Variants in BRPF1 observed in about 807,000 individuals in gnomAD.
BRPF1 encodes the protein bromodomain and PHD finger containing 1, also known as peregrin.
BRPF1 carries 15 observed loss-of-function variants against 115.0 expected under a neutral mutation model. That is an observed-to-expected ratio of 0.13 (90% CI 0.09 to 0.20). The LOEUF is 0.20. Ranked by LOEUF, BRPF1 falls within the 10% of genes least tolerant of loss-of-function variation. The pLI is 1.00. For missense variants in BRPF1, 1,118 were observed against 1,638.3 expected, an observed-to-expected ratio of 0.68 and a Z score of 5.48; for synonymous variants, 647 against 619.8, an observed-to-expected ratio of 1.04 and a Z score of -0.65.
intron 2 of BRPF1, among the ~76,000 whole-genome samples, chr3:9,735,526 G>C (rs923927766): frequency 2.6e-5 from 4 of 152,182 alleles, no homozygotes; most frequent in African/African-American, 7.2e-5. Flanking sequence ...GTATTTCTCT[G>C]TCTCCCAAAA....
rs1417835907 is a variant in BRPF1, at chr3:9,745,241, G to T, written c.3068+86G>T. ...GTGTAGGTTTCCCTGTTGGAAGTGG[G>T]GTGGCAGCCATCTCAGTCTAGATTA... On this transcript the variant is annotated intron_variant, in intron 10 of 13. Coordinates refer to ENST00000383829, the MANE Select transcript of BRPF1 (RefSeq NM_001003694.2). The surrounding 1 kb of genome is among the most constrained non-coding windows in gnomAD (Gnocchi z 5.1). 1 of 1,482,706 alleles carries T rather than the reference G, an allele frequency of 6.7e-7. No individual in the cohort carries two copies. The highest frequency in any genetic ancestry group is 1.4e-5 in the African/African-American group (1 of 70,300). 91.8% of individuals were successfully genotyped at this position (1,482,706 alleles called of 1,614,324 possible). A position where few individuals can be genotyped will look rare whatever the true frequency, so the allele number is the denominator to read the frequency against.
At chr3:9,737,015 A>G (rs2076953714) in intron 2 of BRPF1, among the ~76,000 whole-genome samples, 1 of 152,184 alleles carries the variant, frequency 6.6e-6, no homozygotes, top group Admixed American at 6.5e-5. Context: ...AAGGGTGAGA[A>G]TTGGTGCTGA....
chr3:9,736,197 G>A (rs1264104038), intron 2 of BRPF1, among the ~76,000 whole-genome samples: 2 of 151,510 alleles, frequency 1.3e-5, no homozygotes, highest in African/African-American at 4.9e-5. Flanking sequence ...TAGTAGAGAT[G>A]GGGTTTCACC....
chr3:9,742,238 T>G, intron 6 of BRPF1, 67 bp downstream of exon 6: 1 of 1,591,476 alleles, frequency 6.3e-7, no homozygotes, highest in Admixed American at 1.7e-5. Context: ...CTGCTGCAGG[T>G]CTGGGCCAGG....
In BRPF1 at chr3:9,734,073, G is replaced by A. The variant is rs1185272327; in HGVS notation, c.-10-58G>A. The stretch of plus-strand genomic sequence containing the variant: ...GAGGGCTAGAAAGACTGGGGTCTCT[G>A]GTGCAAATGGCCAGGAACTCATCCC... On this transcript the variant is annotated intron_variant, in intron 1 of 13. Transcript: ENST00000383829. This position sits in a 1 kb window ranked among gnomAD's most constrained non-coding sequence, Gnocchi z 5.7. 17 of 1,521,008 alleles carry A rather than the reference G, an allele frequency of 1.1e-5. No individual in the cohort carries two copies. The East Asian group carries it at 1.6e-4, about 14-fold the overall frequency. 94.2% of individuals were successfully genotyped at this position (1,521,008 alleles called of 1,614,324 possible). A position where few individuals can be genotyped will look rare whatever the true frequency, so the allele number is the denominator to read the frequency against.
intron 2 of BRPF1, among the ~76,000 whole-genome samples, chr3:9,735,568 G>A (rs535416485): frequency 6.6e-6 from 1 of 152,256 alleles, no homozygotes; most frequent in South Asian, 2.1e-4. Flanking sequence ...ATTTCATAAG[G>A]TACTAAAAGC....
chr3:9,737,181 C>T (rs1262009695), intron 2 of BRPF1, among the ~76,000 whole-genome samples: 1 of 152,148 alleles, frequency 6.6e-6, no homozygotes, highest in Non-Finnish European at 1.5e-5. Flanking sequence ...AGTCTCTCTC[C>T]TCCCTTCCAC....
chr3:9,743,195 G>C lies in BRPF1; in HGVS notation c.2253G>C (p.Thr751=). Residue 751 remains threonine, a synonymous_variant, in exon 7 of 14, where the codon ACG becomes ACC. Transcript: ENST00000383829. The surrounding 1 kb of genome is among the most constrained non-coding windows in gnomAD (Gnocchi z 6.1). ...AAAAAATGGGCATTGACTTTGAGACGGGCATGCATATCCCCCACAGCCTGG... is the reference window on the plus strand; with the variant it reads ...AAAAAATGGGCATTGACTTTGAGACCGGCATGCATATCCCCCACAGCCTGG... ...QAEKMGIDFE[T]GMHIPHSLAG... 6.2e-7 allele frequency: 1 copy of C among 1,614,204 alleles called. No homozygotes were observed. Among genetic ancestry groups the C allele is most frequent in the Non-Finnish European group, 8.5e-7 (1 of 1,180,048 alleles).
rs771971033 is a variant in BRPF1, at chr3:9,747,552, C to T, written c.*203C>T. ...ACTCCAAGGGCCAATGGCAGTTCAG[C>T]GCAAGGAGAGGGAGGGCCCACAGGT... On this transcript the variant is annotated 3_prime_UTR_variant, in exon 14 of 14. Transcript: ENST00000383829. This position sits in a 1 kb window ranked among gnomAD's most constrained non-coding sequence, Gnocchi z 5.6. 8 of 523,152 alleles carry T rather than the reference C, an allele frequency of 1.5e-5. No homozygotes were observed. The highest frequency in any genetic ancestry group is 6.4e-5 in the Admixed American group (2 of 31,354). 32.4% of individuals were successfully genotyped at this position (523,152 alleles called of 1,614,324 possible).
At position 9,743,391 on chromosome 3, in the gene BRPF1, C is replaced by T; in HGVS notation, c.2311+138C>T. Reference sequence around the variant, plus strand: ...GTGGCAAGCTATCCCCAGGAATGCTCCCCAAGAAGCCAGACTGGGTGAATG... The same window carrying T: ...GTGGCAAGCTATCCCCAGGAATGCTTCCCAAGAAGCCAGACTGGGTGAATG... On this transcript the variant is annotated intron_variant, in intron 7 of 13. Coordinates refer to ENST00000383829, the MANE Select transcript of BRPF1 (RefSeq NM_001003694.2). The surrounding 1 kb of genome is among the most constrained non-coding windows in gnomAD (Gnocchi z 6.1). 1 of 1,279,828 alleles carries T rather than the reference C, an allele frequency of 7.8e-7. No individual in the cohort carries two copies. Among genetic ancestry groups the T allele is most frequent in the East Asian group, 2.5e-5 (1 of 39,642 alleles). The allele number at this position is 1,279,828 out of a possible 1,614,324, so 79.3% of individuals were successfully genotyped here.
Position 9,738,979 on chromosome 3 carries a change from G to C in BRPF1, c.600-20G>C. 1.3e-6 allele frequency: 2 copies of C among 1,528,220 alleles called. No homozygotes were observed. The highest frequency in any genetic ancestry group is 1.3e-5 in the South Asian group (1 of 77,408). 94.7% of individuals were successfully genotyped at this position (1,528,220 alleles called of 1,614,324 possible). ...GGAAATCTCAACCATGTGATGCTGA[G>C]TTCCCTGTTTGTACCGTAGGTACAT... On this transcript the variant is annotated intron_variant, in intron 2 of 13. Coordinates refer to ENST00000383829, the MANE Select transcript of BRPF1 (RefSeq NM_001003694.2).
intron 6 of BRPF1, 129 bp downstream of exon 6, chr3:9,742,300 C>T: frequency 2.7e-6 from 4 of 1,508,544 alleles, no homozygotes; most frequent in Non-Finnish European, 3.5e-6. Flanking sequence ...GCAGGATGAA[C>T]TGGAGCCACA....
chr3:9,742,803 C>A, intron 6 of BRPF1, 141 bp from the exon 7 acceptor site: 1 of 986,480 alleles, frequency 1.0e-6, no homozygotes, highest in Non-Finnish European at 1.5e-6. Flanking sequence ...TCCAGCTTTC[C>A]TTTCCCCTGT....
intron 4 of BRPF1, 39 bp from the exon 5 acceptor site, chr3:9,741,269 C>G (rs2125504052): frequency 3.3e-6 from 5 of 1,532,392 alleles, no homozygotes; most frequent in Non-Finnish European, 3.5e-6. Flanking sequence ...TTTCCTCTGG[C>G]TTTCTAATCA....
At chr3:9,733,933 A>G (rs531246758) in intron 1 of BRPF1, among the ~76,000 whole-genome samples, 198 bp from the exon 2 acceptor site, 10 of 152,342 alleles carry the variant, frequency 6.6e-5, no homozygotes, top group South Asian at 4.1e-4. Flanking sequence ...GACATAGGGC[A>G]GGATAACCAG....
chr3:9,741,171 C>A, intron 4 of BRPF1, 137 bp from the exon 5 acceptor site: 1 of 1,171,218 alleles, frequency 8.5e-7, no homozygotes, highest in Non-Finnish European at 1.2e-6. Flanking sequence ...GCCTTGGGGA[C>A]ACACAGATTG....
chr3:9,734,045 G>A lies in BRPF1; in HGVS notation c.-10-86G>A. On this transcript the variant is annotated intron_variant, in intron 1 of 13. Transcript: ENST00000383829. This position sits in a 1 kb window ranked among gnomAD's most constrained non-coding sequence, Gnocchi z 5.7. ...CCAGAATCTGGTGACTCCAAGTGAG[G>A]GGGAGGGCTAGAAAGACTGGGGTCT... The A allele has an allele frequency of 1.3e-6, 2 of 1,507,862 alleles. No homozygotes were observed. Among genetic ancestry groups the A allele is most frequent in the Non-Finnish European group, 1.8e-6 (2 of 1,134,182 alleles). The allele number at this position is 1,507,862 out of a possible 1,614,324, so 93.4% of individuals were successfully genotyped here. A position where few individuals can be genotyped will look rare whatever the true frequency, so the allele number is the denominator to read the frequency against.
chr3:9,736,844 T>C (rs1324893262), intron 2 of BRPF1, among the ~76,000 whole-genome samples: 5 of 152,224 alleles, frequency 3.3e-5, no homozygotes, highest in Admixed American at 2.0e-4. Context: ...CATTCTAATA[T>C]GCTTCCTTGA....
At chr3:9,735,131 C>T (rs556252258) in intron 2 of BRPF1, among the ~76,000 whole-genome samples, 32 of 151,804 alleles carry the variant, frequency 2.1e-4, no homozygotes, top group Admixed American at 1.4e-3. Flanking sequence ...TCCCACTCAG[C>T]CTCCTGAGTA....
Sources: allele counts gnomAD v4.1 joint callset (sites outside exome capture counted in the v4.1 genomes callset), GRCh38; gene constraint gnomAD v4.1.1; non-coding constraint Gnocchi (gnomAD v3.1); transcripts MANE v1.5; gene names NCBI Gene and HGNC (gene_info 2026-07-23, HGNC 2026-07-21).